The following ROBO1 variants were observed in gnomAD, a reference collection of about 807,000 sequenced individuals.
The protein encoded by ROBO1 is roundabout homolog 1.
A neutral mutation model predicts 195.9 loss-of-function variants in ROBO1; 149 were observed. The ratio of observed to expected loss-of-function variants is 0.76; its 90% CI spans 0.67 to 0.87. The LOEUF (loss-of-function observed/expected upper bound fraction) is 0.87, where lower values mean the gene tolerates loss of function less well. ROBO1 is among the 40% of genes least tolerant of loss of function. The pLI is 0.00. For missense variants in ROBO1, 1,933 were observed against 2,068.3 expected, an observed-to-expected ratio of 0.93 and a Z score of 1.27; for synonymous variants, 816 against 733.2, an observed-to-expected ratio of 1.11 and a Z score of -1.82.
intron 1 of ROBO1, among the ~76,000 whole-genome samples, chr3:79,731,210 AGT>A (rs1264516685): frequency 1.3e-5 from 2 of 152,172 alleles, no homozygotes; most frequent in Non-Finnish European, 2.9e-5. Context: ...ATTTTTAAAA[AGT>A]GTGTGTGTGA....
intron 4 of ROBO1, among the ~76,000 whole-genome samples, chr3:78,933,540 G>A (rs2039646163): frequency 6.6e-6 from 1 of 151,818 alleles, no homozygotes; most frequent in Non-Finnish European, 1.5e-5. Context: ...GTGGACTGAT[G>A]GACTCACTAC....
At chr3:79,246,883 C>T (rs1021819158) in intron 2 of ROBO1, among the ~76,000 whole-genome samples, 4 of 151,778 alleles carry the variant, frequency 2.6e-5, no homozygotes, top group African/African-American at 9.7e-5. Flanking sequence ...TATTGGATGC[C>T]CACTGAGTGC....
At chr3:79,079,867 C>T (rs2079240381) in intron 3 of ROBO1, among the ~76,000 whole-genome samples, 1 of 151,680 alleles carries the variant, frequency 6.6e-6, no homozygotes, top group Non-Finnish European at 1.5e-5. Context: ...GAGTATTTTG[C>T]TTAAAGAATG....
chr3:79,443,724 A>G (rs989957676), intron 2 of ROBO1, among the ~76,000 whole-genome samples: 1 of 152,162 alleles, frequency 6.6e-6, no homozygotes, highest in Non-Finnish European at 1.5e-5. Flanking sequence ...GAATAGTACA[A>G]GGTGGATAAT....
intron 22 of ROBO1, among the ~76,000 whole-genome samples, chr3:78,637,985 G>T (rs7629355): frequency 0.23 from 32,039 of 140,862 alleles, 3,715 homozygotes; most frequent in Middle Eastern, 0.3. Context: ...GTTTTTTTTT[G>T]GGGGGGGGAG....
chr3:78,663,044 A>G (rs1265617383), intron 14 of ROBO1, among the ~76,000 whole-genome samples: 1 of 152,148 alleles, frequency 6.6e-6, no homozygotes, highest in Admixed American at 6.6e-5. Flanking sequence ...TCTCTTTCTC[A>G]AAGAATTGTA....
intron 2 of ROBO1, among the ~76,000 whole-genome samples, chr3:79,583,875 C>T (rs1456997354): frequency 2.6e-5 from 4 of 151,946 alleles, no homozygotes; most frequent in East Asian, 3.9e-4. Flanking sequence ...ATGCACCTTT[C>T]GGAGCAGAGC....
At chr3:79,742,695 G>A (rs922242298) in intron 1 of ROBO1, among the ~76,000 whole-genome samples, 1 of 152,196 alleles carries the variant, frequency 6.6e-6, no homozygotes, top group Non-Finnish European at 1.5e-5. Flanking sequence ...TTATAGCCAT[G>A]TGAGAATAGC....
chr3:79,761,676 G>C (rs559958501), intron 1 of ROBO1, among the ~76,000 whole-genome samples: 2 of 152,294 alleles, frequency 1.3e-5, no homozygotes, highest in African/African-American at 4.8e-5. Context: ...TTCTGATGCA[G>C]GACTCTTGTA....
chr3:79,129,670 A>G (rs1365751279), intron 2 of ROBO1, among the ~76,000 whole-genome samples: 1 of 152,172 alleles, frequency 6.6e-6, no homozygotes, highest in East Asian at 1.9e-4. Context: ...TGATGTTTTG[A>G]AATATGTATG....
intron 1 of ROBO1, among the ~76,000 whole-genome samples, chr3:79,627,380 G>C (rs1225639021): frequency 6.6e-6 from 1 of 152,086 alleles, no homozygotes; most frequent in East Asian, 1.9e-4. Flanking sequence ...CAACAAACCT[G>C]ACAAAATCAA....
intron 4 of ROBO1, among the ~76,000 whole-genome samples, chr3:78,867,865 A>G (rs2035280435): frequency 6.6e-6 from 1 of 152,096 alleles, no homozygotes. Context: ...CATCTCCGAA[A>G]ATCTCATACT....
chr3:79,619,031 C>T (rs1426976061), intron 1 of ROBO1, among the ~76,000 whole-genome samples: 2 of 152,192 alleles, frequency 1.3e-5, no homozygotes, highest in Admixed American at 6.5e-5. Flanking sequence ...ACCCACATTC[C>T]ATTGGTGTCT....
At chr3:78,749,324 T>A (rs796184638) in intron 4 of ROBO1, among the ~76,000 whole-genome samples, 4 of 152,290 alleles carry the variant, frequency 2.6e-5, no homozygotes, top group African/African-American at 9.6e-5. Flanking sequence ...AATAATAAAA[T>A]GTCTTGCAGA....
intron 2 of ROBO1, among the ~76,000 whole-genome samples, chr3:79,219,265 T>C (rs1262051682): frequency 1.3e-5 from 2 of 151,952 alleles, no homozygotes; most frequent in Admixed American, 1.3e-4. Context: ...GTATACAAAG[T>C]TACATAAATA....
intron 2 of ROBO1, among the ~76,000 whole-genome samples, chr3:79,580,765 C>T (rs1446846439): frequency 1.3e-5 from 2 of 152,156 alleles, no homozygotes; most frequent in East Asian, 3.9e-4. Context: ...TGGTCACATC[C>T]TTCAAAATTT....
chr3:79,518,974 C>T (rs1941077039), intron 2 of ROBO1, among the ~76,000 whole-genome samples: 2 of 152,110 alleles, frequency 1.3e-5, no homozygotes, highest in South Asian at 4.1e-4. Flanking sequence ...GCCATCACGC[C>T]TGGCCAAATG....
chr3:78,935,257 T>C (rs369059097), intron 4 of ROBO1, among the ~76,000 whole-genome samples: 2 of 152,040 alleles, frequency 1.3e-5, no homozygotes, highest in African/African-American at 4.8e-5. Flanking sequence ...GCTGCTAAGA[T>C]AGCCAGCAGA....
chr3:79,358,607 C>T (rs1490341233), intron 2 of ROBO1, among the ~76,000 whole-genome samples: 3 of 151,922 alleles, frequency 2.0e-5, no homozygotes, highest in African/African-American at 4.8e-5. Context: ...TCTGGGTGTG[C>T]TTTAATTTTA....
Sources: gnomAD v4.1 joint callset for allele counts (sites outside exome capture counted in the v4.1 genomes callset) on GRCh38, gnomAD v4.1.1 for gene constraint, MANE v1.5 for transcripts, NCBI Gene and HGNC (gene_info 2026-07-23, HGNC 2026-07-21) for gene names.